SSBP2: variants seen among roughly 807,000 people sequenced by gnomAD.
The protein encoded by SSBP2 is single stranded DNA binding protein 2.
SSBP2 carries 17 observed loss-of-function variants against 61.8 expected under a neutral mutation model. The observed-to-expected ratio is 0.28, with a 90% CI of 0.19 to 0.41. SSBP2 has a LOEUF of 0.41. Among genes scored for constraint, SSBP2 ranks in the 10% least tolerant of loss-of-function variants. SSBP2 has a pLI of 1.00. For synonymous variants in SSBP2, 139 were observed against 141.3 expected (o/e 0.98, Z 0.12); for missense variants, 310 against 458.7 (o/e 0.68, Z 2.96).
intron 6 of SSBP2, among the ~76,000 whole-genome samples, chr5:81,481,949 A>T (rs1766022431): frequency 1.3e-5 from 2 of 149,618 alleles, no homozygotes; most frequent in East Asian, 2.0e-4. Flanking sequence ...TTAGTATAAA[A>T]TTTTTTTTTT....
Position 81,445,252 on chromosome 5 carries a change from C to A in SSBP2, c.778+1616G>T, listed in dbSNP as rs7717532. Among the ~76,000 whole-genome samples, 933 of 142,934 alleles carry A rather than the reference C, an allele frequency of 6.5e-3. 13 individuals are homozygous for A. The highest frequency in any genetic ancestry group is 0.023 in the African/African-American group (878 of 38,648). 93.8% of individuals were successfully genotyped at this position (142,934 alleles called of 152,430 possible). ...CAATAAAGTGGATCTCCTGGGACCT[C>A]CTTTCTTGTGGGTGGGGTGCTGGCT... On this transcript the variant is annotated intron_variant, in intron 12 of 16. Coordinates refer to ENST00000320672, the MANE Select transcript of SSBP2 (RefSeq NM_012446.5).
intron 1 of SSBP2, among the ~76,000 whole-genome samples, chr5:81,731,544 T>C (rs1756266937): frequency 6.6e-6 from 1 of 152,154 alleles, no homozygotes; most frequent in African/African-American, 2.4e-5. Flanking sequence ...GCCATTTCAG[T>C]AAAGGACCCT....
intron 5 of SSBP2, among the ~76,000 whole-genome samples, chr5:81,512,384 T>C (rs1417298351): frequency 2.0e-5 from 3 of 152,190 alleles, no homozygotes; most frequent in African/African-American, 7.2e-5. Context: ...GATTAGAGTT[T>C]ATATATGTAA....
In SSBP2 at chr5:81,467,010, T is replaced by C. The variant is rs1180879181; in HGVS notation, c.602A>G (p.Asn201Ser). The stretch of plus-strand genomic sequence containing the variant: ...AGGCATTCCAGGGCCACCTAAAGCA[T>C]TCAGTGGGGGTCTCATTGCACCTCC... The change falls in exon 9 of 17, where the codon AAT (asparagine) becomes AGT (serine). Residue 201 changes from asparagine to serine, a missense_variant. Coordinates refer to ENST00000320672, the MANE Select transcript of SSBP2 (RefSeq NM_012446.5). The C allele has an allele frequency of 1.2e-6, 2 of 1,610,186 alleles. No homozygotes were observed. The highest frequency in any genetic ancestry group is 1.3e-5 in the African/African-American group (1 of 74,814).
chr5:81,551,152 A>T (rs900490066), intron 4 of SSBP2, among the ~76,000 whole-genome samples: 10 of 151,642 alleles, frequency 6.6e-5, no homozygotes, highest in Non-Finnish European at 1.3e-4. Context: ...TTATTATTAT[A>T]ACTAACTAGG....
In SSBP2 at chr5:81,483,910, C is replaced by T. The variant is rs185524210; in HGVS notation, c.432+5340G>A. The stretch of plus-strand genomic sequence containing the variant: ...ATTTAATTAAAAATTTAGTTCTTCA[C>T]TCACACTAGTCCTATCTCAAGTGCT... On this transcript the variant is annotated intron_variant, in intron 6 of 16. Coordinates refer to ENST00000320672, the MANE Select transcript of SSBP2 (RefSeq NM_012446.5). 2.0e-3 allele frequency among the ~76,000 whole-genome samples: 299 copies of T among 152,296 alleles called. 1 individual carries two copies. The highest frequency in any genetic ancestry group is 2.7e-3 in the Non-Finnish European group (182 of 68,014).
chr5:81,733,432 GA>G (rs1213437673), intron 1 of SSBP2, among the ~76,000 whole-genome samples: 8 of 145,776 alleles, frequency 5.5e-5, no homozygotes, highest in South Asian at 4.3e-4. Flanking sequence ...TCAACAGCTA[GA>G]AAAAAAAAAG....
chr5:81,501,871 T>G (rs977743809), intron 5 of SSBP2, among the ~76,000 whole-genome samples: 2 of 152,088 alleles, frequency 1.3e-5, no homozygotes, highest in Non-Finnish European at 2.9e-5. Flanking sequence ...CCCCCTGGTG[T>G]TGTTTCTTGT....
chr5:81,606,330 T>C lies in SSBP2; in HGVS notation c.282+9143A>G, dbSNP rs116679137. On this transcript the variant is annotated intron_variant, in intron 4 of 16. Coordinates refer to ENST00000320672, the MANE Select transcript of SSBP2 (RefSeq NM_012446.5). ...GCAGCTGAATAGCTGGGAGAACCTCTGAGGTCAGCTAGGAAAGTGCCCTCC... is the reference window on the plus strand; with the variant it reads ...GCAGCTGAATAGCTGGGAGAACCTCCGAGGTCAGCTAGGAAAGTGCCCTCC... Among the ~76,000 whole-genome samples, 231 of 152,270 alleles carry C rather than the reference T, an allele frequency of 1.5e-3. 1 individual carries two copies. The highest frequency in any genetic ancestry group is 5.3e-3 in the African/African-American group (221 of 41,560).
At chr5:81,456,653 A>C (rs1764171463) in intron 10 of SSBP2, among the ~76,000 whole-genome samples, 1 of 152,210 alleles carries the variant, frequency 6.6e-6, no homozygotes, top group African/African-American at 2.4e-5. Flanking sequence ...CTAAGTAAGA[A>C]TCTGAGACCA....
chr5:81,502,005 C>G (rs1561476739), intron 5 of SSBP2, among the ~76,000 whole-genome samples: 1 of 152,132 alleles, frequency 6.6e-6, no homozygotes, highest in African/African-American at 2.4e-5. Flanking sequence ...CATTTCACTC[C>G]TAGCAGCATT....
intron 4 of SSBP2, among the ~76,000 whole-genome samples, chr5:81,531,062 C>G (rs1157230778): frequency 6.6e-6 from 1 of 150,920 alleles, no homozygotes; most frequent in Non-Finnish European, 1.5e-5. Flanking sequence ...AAACCAAAAC[C>G]AAAACCAAAC....
chr5:81,577,567 A>G (rs181692267), intron 4 of SSBP2, among the ~76,000 whole-genome samples: 54 of 152,226 alleles, frequency 3.5e-4, no homozygotes, highest in African/African-American at 1.2e-3. Context: ...TAAAATGCCA[A>G]CTAAGAATGA....
At chr5:81,638,209 T>A in intron 2 of SSBP2, among the ~76,000 whole-genome samples, 1 of 151,456 alleles carries the variant, frequency 6.6e-6, no homozygotes, top group Non-Finnish European at 1.5e-5. Flanking sequence ...CATATGTAAC[T>A]AACATGCACA....
chr5:81,648,732 A>G (rs10062494), intron 2 of SSBP2, among the ~76,000 whole-genome samples: 8,618 of 152,128 alleles, frequency 0.057, 509 homozygotes, highest in African/African-American at 0.15. Flanking sequence ...AGTAGTATAT[A>G]TATTTATGGG....
intron 4 of SSBP2, among the ~76,000 whole-genome samples, chr5:81,537,465 C>A (rs906708010): frequency 5.9e-5 from 9 of 152,118 alleles, no homozygotes; most frequent in Non-Finnish European, 1.3e-4. Flanking sequence ...ATTAAAAAAA[C>A]CCATCATCAC....
chr5:81,630,411 C>T (rs1747589730), intron 3 of SSBP2, among the ~76,000 whole-genome samples: 1 of 152,224 alleles, frequency 6.6e-6, no homozygotes, highest in Non-Finnish European at 1.5e-5. Context: ...AGATCCATAG[C>T]TCTCATCAGT....
intron 1 of SSBP2, among the ~76,000 whole-genome samples, chr5:81,678,039 G>A (rs1752116269): frequency 6.6e-6 from 1 of 152,168 alleles, no homozygotes; most frequent in South Asian, 2.1e-4. Context: ...AAAGGCAAAT[G>A]TACAGTTTGA....
intron 1 of SSBP2, among the ~76,000 whole-genome samples, chr5:81,723,970 T>G (rs1755712044): frequency 6.6e-6 from 1 of 151,992 alleles, no homozygotes; most frequent in Non-Finnish European, 1.5e-5. Context: ...CCACTACAAT[T>G]TCTATCACTT....
Sources: allele counts gnomAD v4.1 joint callset (sites outside exome capture counted in the v4.1 genomes callset), GRCh38; gene constraint gnomAD v4.1.1; transcripts MANE v1.5; gene names NCBI Gene and HGNC (gene_info 2026-07-23, HGNC 2026-07-21).